ARK2N: variants seen among roughly 807,000 people sequenced by gnomAD.
The protein encoded by ARK2N is arkadia (RNF111) N-terminal like PKA signaling regulator 2N.
the ARK2N span, chr18:46,240,037 T>G: frequency 6.2e-7 from 1 of 1,614,142 alleles, no homozygotes; most frequent in Non-Finnish European, 8.5e-7. Flanking sequence ...TTATGATATG[T>G]CTGACACCAA....
At chr18:46,240,277 A>G in the ARK2N span, 1 of 1,366,688 alleles carries the variant, frequency 7.3e-7, no homozygotes. Flanking sequence ...TGAGGAGAAC[A>G]GGTCATACCA....
chr18:46,191,042 G>C, the ARK2N span, among the ~76,000 whole-genome samples: 1 of 151,946 alleles, frequency 6.6e-6, no homozygotes, highest in African/African-American at 2.4e-5. Context: ...TATTATCTCG[G>C]CACTGTTTTT....
chr18:46,233,297 A>G, the ARK2N span, among the ~76,000 whole-genome samples: 2 of 152,302 alleles, frequency 1.3e-5, no homozygotes, highest in Non-Finnish European at 2.9e-5. Context: ...CAGGGTACAT[A>G]GACATAGGGA....
the ARK2N span, among the ~76,000 whole-genome samples, chr18:46,187,402 C>T: frequency 6.6e-6 from 1 of 150,392 alleles, no homozygotes; most frequent in African/African-American, 2.4e-5. Flanking sequence ...AGTGCAGTAG[C>T]GCCATCTCGG....
the ARK2N span, among the ~76,000 whole-genome samples, chr18:46,262,655 C>A: frequency 0.61 from 92,905 of 151,512 alleles, 30,995 homozygotes; most frequent in Non-Finnish European, 0.74. Flanking sequence ...AACATCCTGT[C>A]ACCCATGGTC....
chr18:46,179,575 G>C, the ARK2N span, among the ~76,000 whole-genome samples: 1 of 151,848 alleles, frequency 6.6e-6, no homozygotes, highest in Non-Finnish European at 1.5e-5. Flanking sequence ...TAAAAGTAAG[G>C]AGCAGGAGCA....
the ARK2N span, among the ~76,000 whole-genome samples, chr18:46,238,972 A>G: frequency 3.9e-5 from 6 of 152,162 alleles, no homozygotes; most frequent in Non-Finnish European, 7.4e-5. Flanking sequence ...CGCTTCATAA[A>G]TAGCCTTTGG....
chr18:46,198,941 G>C, the ARK2N span, among the ~76,000 whole-genome samples: 2 of 152,052 alleles, frequency 1.3e-5, no homozygotes, highest in Non-Finnish European at 2.9e-5. Flanking sequence ...TTCTAATATA[G>C]AAAAGAGTTC....
chr18:46,259,813 TTTGACAGAGATGGGGTTTCACCATG>T, the ARK2N span, among the ~76,000 whole-genome samples: 1 of 145,276 alleles, frequency 6.9e-6, no homozygotes, highest in Admixed American at 6.8e-5. Context: ...TGTGTGTGTG[TTTGACAGAGATGGGGTTTCACCATG>T]GTGCCCAGGC....
At chr18:46,190,285 C>T in the ARK2N span, among the ~76,000 whole-genome samples, 4 of 151,722 alleles carry the variant, frequency 2.6e-5, no homozygotes, top group Non-Finnish European at 4.4e-5. Context: ...TTTGGGAGGC[C>T]GAGGCGGGTG....
the ARK2N span, among the ~76,000 whole-genome samples, chr18:46,240,607 G>A: frequency 6.6e-6 from 1 of 152,200 alleles, no homozygotes. Flanking sequence ...TTCATACACA[G>A]CGCTGCCGCT....
the ARK2N span, among the ~76,000 whole-genome samples, chr18:46,193,521 T>C: frequency 6.6e-6 from 1 of 151,110 alleles, no homozygotes; most frequent in African/African-American, 2.4e-5. Flanking sequence ...ACTTCTGACC[T>C]CAAGTGATCC....
chr18:46,173,975 G>A, the ARK2N span: 2 of 152,282 alleles, frequency 1.3e-5, no homozygotes, highest in African/African-American at 4.8e-5. Flanking sequence ...AGTCTCCAGA[G>A]GTCTCCGGCG....
the ARK2N span, among the ~76,000 whole-genome samples, chr18:46,223,743 T>C: frequency 6.8e-6 from 1 of 147,028 alleles, no homozygotes; most frequent in African/African-American, 2.7e-5. Flanking sequence ...CCCAGTCCAT[T>C]GGCTTTGGGG....
the ARK2N span, among the ~76,000 whole-genome samples, chr18:46,179,273 A>G: frequency 6.6e-6 from 1 of 152,008 alleles, no homozygotes; most frequent in Admixed American, 6.6e-5. Context: ...GGTTTTATTT[A>G]TTTTAGTTTG....
the ARK2N span, among the ~76,000 whole-genome samples, chr18:46,241,677 A>G: frequency 2.6e-5 from 4 of 151,858 alleles, no homozygotes; most frequent in Non-Finnish European, 4.4e-5. Flanking sequence ...GTGAGCTAAG[A>G]TTGTGCCACT....
chr18:46,189,105 C>A, the ARK2N span, among the ~76,000 whole-genome samples: 1 of 151,046 alleles, frequency 6.6e-6, no homozygotes, highest in South Asian at 2.1e-4. Flanking sequence ...ATACCAGCTA[C>A]TCAGGAAGCT....
chr18:46,236,817 G>A, the ARK2N span, among the ~76,000 whole-genome samples: 12 of 122,894 alleles, frequency 9.8e-5, no homozygotes, highest in South Asian at 3.3e-3. Flanking sequence ...GAGTCAAATA[G>A]ATAGCAGCTT....
the ARK2N span, among the ~76,000 whole-genome samples, chr18:46,230,297 G>C: frequency 1.3e-5 from 2 of 152,314 alleles, no homozygotes; most frequent in African/African-American, 4.8e-5. Context: ...CCCTGAGGCA[G>C]TCTGTATTCT....
Sources: allele counts gnomAD v4.1 joint callset (sites outside exome capture counted in the v4.1 genomes callset), GRCh38; gene constraint gnomAD v4.1.1; transcripts MANE v1.5; gene names NCBI Gene and HGNC (gene_info 2026-07-23, HGNC 2026-07-21).